SNX4: variants seen among roughly 807,000 people sequenced by gnomAD.
The protein encoded by SNX4 is sorting nexin 4.
In SNX4, 49 loss-of-function variants were observed where a neutral mutation model predicts 70.8. The ratio of observed to expected loss-of-function variants is 0.69; its 90% CI spans 0.55 to 0.88. The LOEUF is 0.88. Ranked by LOEUF, SNX4 falls within the 40% of genes least tolerant of loss-of-function variation. SNX4 has a pLI of 0.00. For synonymous variants in SNX4, 206 were observed against 183.8 expected (o/e 1.12, Z -0.98); for missense variants, 528 against 544.8 (o/e 0.97, Z 0.31).
chr3:125,507,718 C>T (rs534157696), intron 1 of SNX4, among the ~76,000 whole-genome samples: 1 of 152,146 alleles, frequency 6.6e-6, no homozygotes, highest in Non-Finnish European at 1.5e-5. Flanking sequence ...GAGCTGATAT[C>T]TTCAAAGTGC....
At chr3:125,470,354 A>G (rs1265533993) in intron 8 of SNX4, among the ~76,000 whole-genome samples, 2 of 152,070 alleles carry the variant, frequency 1.3e-5, no homozygotes, top group Admixed American at 6.6e-5. Context: ...TTTCCTGGCT[A>G]TACAGGTTGT....
intron 12 of SNX4, among the ~76,000 whole-genome samples, chr3:125,451,851 A>G (rs1933582264): frequency 6.6e-6 from 1 of 151,268 alleles, no homozygotes; most frequent in Non-Finnish European, 1.5e-5. Context: ...GGGCTTGAAC[A>G]CCTGAGCTCA....
chr3:125,513,703 CAG>C (rs1935216177), intron 1 of SNX4, among the ~76,000 whole-genome samples: 1 of 152,188 alleles, frequency 6.6e-6, no homozygotes, highest in South Asian at 2.1e-4. Context: ...CTGAAACATT[CAG>C]AGAGTTAAGG....
intron 1 of SNX4, among the ~76,000 whole-genome samples, chr3:125,507,453 G>A (rs1231436174): frequency 6.6e-6 from 1 of 152,062 alleles, no homozygotes; most frequent in African/African-American, 2.4e-5. Context: ...AAGGAGAGGG[G>A]AGAGAGAAAA....
At chr3:125,506,779 T>C (rs547311452) in intron 1 of SNX4, among the ~76,000 whole-genome samples, 325 of 107,238 alleles carry the variant, frequency 3.0e-3, no homozygotes, top group African/African-American at 0.011. Flanking sequence ...AATCATCTTA[T>C]AGATGCTCAG....
In SNX4 at chr3:125,520,183, C is replaced by T. The variant is rs757687061; in HGVS notation, c.-11G>A. The T allele has an allele frequency of 1.6e-5, 19 of 1,182,824 alleles. No individual in the cohort carries two copies. The highest frequency in any genetic ancestry group is 5.2e-5 in the Admixed American group (1 of 19,190). 73.3% of individuals were successfully genotyped at this position (1,182,824 alleles called of 1,614,324 possible). A position where few individuals can be genotyped will look rare whatever the true frequency, so the allele number is the denominator to read the frequency against. On this transcript the variant is annotated 5_prime_UTR_variant, in exon 1 of 14. Transcript: ENST00000251775. ...AGGTGCCTGCTCCATGGCTGCAGTT[C>T]GGCGCGGCGAACCCAGTGCGCCTGC...
intron 1 of SNX4, among the ~76,000 whole-genome samples, chr3:125,505,838 T>C (rs1018954261): frequency 5.9e-5 from 9 of 152,146 alleles, no homozygotes; most frequent in Non-Finnish European, 1.2e-4. Flanking sequence ...GAGCGTGTCT[T>C]TAGTCCTAAC....
intron 6 of SNX4, among the ~76,000 whole-genome samples, chr3:125,480,729 A>C (rs1934392880): frequency 1.3e-5 from 2 of 152,164 alleles, no homozygotes; most frequent in African/African-American, 4.8e-5. Flanking sequence ...CATTTTCCAT[A>C]AGGACCAAAA....
chr3:125,455,337 G>A (rs1253285515), intron 11 of SNX4, among the ~76,000 whole-genome samples: 8 of 152,164 alleles, frequency 5.3e-5, no homozygotes, highest in Non-Finnish European at 1.0e-4. Flanking sequence ...TATAAAAAAA[G>A]TCGATAAATT....
chr3:125,492,942 AT>A (rs1454770431), intron 5 of SNX4, among the ~76,000 whole-genome samples: 1 of 152,200 alleles, frequency 6.6e-6, no homozygotes, highest in African/African-American at 2.4e-5. Context: ...ATCAGCCTAA[AT>A]TCATTTAAGG....
chr3:125,464,891 C>T (rs1053218286), intron 9 of SNX4, among the ~76,000 whole-genome samples: 3 of 151,990 alleles, frequency 2.0e-5, no homozygotes, highest in African/African-American at 7.3e-5. Flanking sequence ...ACTACAGGTG[C>T]ACATCACCAC....
At chr3:125,468,134 A>G (rs1934078501) in intron 9 of SNX4, among the ~76,000 whole-genome samples, 1 of 152,252 alleles carries the variant, frequency 6.6e-6, no homozygotes. Context: ...AAGTGAATTA[A>G]CACAGGAACA....
At chr3:125,495,442 T>C (rs963870387) in intron 5 of SNX4, among the ~76,000 whole-genome samples, 2 of 151,338 alleles carry the variant, frequency 1.3e-5, no homozygotes, top group African/African-American at 4.9e-5. Flanking sequence ...GAGAGACACA[T>C]GGGTTTCCGA....
intron 8 of SNX4, among the ~76,000 whole-genome samples, chr3:125,471,293 G>A (rs148062250): frequency 7.7e-4 from 101 of 131,938 alleles, no homozygotes; most frequent in African/African-American, 2.8e-3. Flanking sequence ...GCGGTGAGCC[G>A]AGGTCGCGCC....
intron 1 of SNX4, chr3:125,517,082 C>T (rs994876889): frequency 2.0e-5 from 3 of 152,068 alleles, no homozygotes; most frequent in African/African-American, 7.2e-5. Flanking sequence ...CTTGACTAGT[C>T]TAAAAAAATT....
intron 13 of SNX4, 67 bp downstream of exon 13, chr3:125,451,238 A>G (rs1933563801): frequency 1.1e-6 from 1 of 947,018 alleles, no homozygotes; most frequent in Non-Finnish European, 1.5e-6. Flanking sequence ...TTGGTCAGGT[A>G]ATTTAAATAC....
rs1324769027 is a variant in SNX4 at position 125,498,191 on chromosome 3, T to C, written c.267A>G (p.Ser89=). The C allele has an allele frequency of 1.9e-6, 3 of 1,612,778 alleles. No individual in the cohort carries two copies. Among genetic ancestry groups the C allele is most frequent in the Non-Finnish European group, 2.5e-6 (3 of 1,179,626 alleles). Residue 89 remains serine (S), a synonymous_variant, in exon 3 of 14, where the codon TCA becomes TCG. Coordinates refer to ENST00000251775, the MANE Select transcript of SNX4 (RefSeq NM_003794.4). The part of the protein sequence containing the change: ...TYTAYLIETR[S]VEHTDGQSVL... The stretch of plus-strand genomic sequence containing the variant: ...CACTCTGACCATCGGTATGTTCAAC[T>C]GACCTGAAAAGGAACAGAACAACAC...
At chr3:125,493,770 G>A (rs1200123562) in intron 5 of SNX4, among the ~76,000 whole-genome samples, 2 of 150,556 alleles carry the variant, frequency 1.3e-5, no homozygotes, top group East Asian at 2.0e-4. Context: ...AGTGGCTCAC[G>A]CCTGTAATCC....
At chr3:125,454,418 G>C (rs1453198348) in intron 11 of SNX4, among the ~76,000 whole-genome samples, 1 of 152,198 alleles carries the variant, frequency 6.6e-6, no homozygotes, top group African/African-American at 2.4e-5. Context: ...TAATGCCTGA[G>C]ATGATCTGAA....
Sources: gnomAD v4.1 joint callset for allele counts (sites outside exome capture counted in the v4.1 genomes callset) on GRCh38, gnomAD v4.1.1 for gene constraint, MANE v1.5 for transcripts, NCBI Gene and HGNC (gene_info 2026-07-23, HGNC 2026-07-21) for gene names.